The following LRP1 variants were observed in gnomAD, a reference collection of about 807,000 sequenced individuals.
LRP1 encodes the protein prolow-density lipoprotein receptor-related protein 1.
A neutral mutation model predicts 541.5 loss-of-function variants in LRP1; 51 were observed. The observed-to-expected ratio is 0.09, with a 90% CI of 0.08 to 0.12. The LOEUF is 0.12. Among genes scored for constraint, LRP1 ranks in the 10% least tolerant of loss-of-function variants. The pLI is 1.00. For missense variants in LRP1, 3,878 were observed against 6,376.2 expected (o/e 0.61, Z 13.34); for synonymous variants, 2,219 against 2,470.8 (o/e 0.90, Z 3.02).
rs545002811 is a variant in LRP1 at position 57,177,261 on chromosome 12, A to G, written c.4196+16A>G. 18 of 1,611,628 alleles carry G rather than the reference A, an allele frequency of 1.1e-5. No individual in the cohort carries two copies. In the South Asian group the frequency reaches 1.5e-4, roughly 14 times the overall value. On this transcript the variant is annotated intron_variant, in intron 25 of 88. Coordinates refer to ENST00000243077, the MANE Select transcript of LRP1 (RefSeq NM_002332.3). The surrounding 1 kb of genome is among the most constrained non-coding windows in gnomAD (Gnocchi z 6.8). ...CCCGGGATGGGTGAGGACCTTGCCC[A>G]GCCTTCTCCTGGCCCCATGGCCCCC...
At position 57,129,022 on chromosome 12, in the gene LRP1, G is replaced by T; in HGVS notation, c.58G>T (p.Ala20Ser). The change falls in exon 1 of 89, where the codon GCT (alanine) becomes TCT (serine). Residue 20 changes from alanine to serine, a missense_variant. By Grantham distance (99) the Ala-to-Ser change is moderately conservative. Transcript: ENST00000243077. Reference sequence around the variant, plus strand: ...CCTGCTCTCAGCTCTGGTCGCGGCGGCTATCGACGGTGAGTGAGATTCCGC... The same window carrying T: ...CCTGCTCTCAGCTCTGGTCGCGGCGTCTATCGACGGTGAGTGAGATTCCGC... ...LPLLSALVAAAIDAPKTCSPK... is the reference protein window; with the variant it reads ...LPLLSALVAASIDAPKTCSPK... 1 of 1,551,470 alleles carries T rather than the reference G, an allele frequency of 6.4e-7. No homozygotes were observed. Among genetic ancestry groups the T allele is most frequent in the Non-Finnish European group, 8.7e-7 (1 of 1,146,854 alleles).
rs771456046 is a variant in LRP1, at chr12:57,205,545, C to T, written c.11471-13C>T. The T allele has an allele frequency of 2.5e-6, 4 of 1,613,894 alleles. No individual in the cohort carries two copies. The highest frequency in any genetic ancestry group is 3.4e-6 in the Non-Finnish European group (4 of 1,180,018). On this transcript the variant is annotated splice_polypyrimidine_tract_variant and intron_variant, in intron 74 of 88. Coordinates refer to ENST00000243077, the MANE Select transcript of LRP1 (RefSeq NM_002332.3). This position sits in a 1 kb window ranked among gnomAD's most constrained non-coding sequence, Gnocchi z 4.6. ...CAACTGTGGACTCTCATGACCCTCC[C>T]TGTAACCCTTAGACATCAACGAGTG...
Position 57,191,347 on chromosome 12 carries a change from C to A in LRP1, c.7264C>A (p.Pro2422Thr), listed in dbSNP as rs755615728. Reference protein sequence around the residue: ...YVILKSEPVHPFGLAVYGEHI... With the variant: ...YVILKSEPVHTFGLAVYGEHI... ...GATCCTAAAGTCAGAGCCTGTCCAC[C>A]CCTTCGGGCTGGCCGTGTATGGGGA... is the stretch of plus-strand genomic sequence containing the variant. Residue 2422 changes from proline (P) to threonine (T), a missense_variant, in exon 44 of 89, where the codon CCC becomes ACC. By Grantham distance (38) the Pro-to-Thr change is conservative. Around this residue, in one of 13 missense-constraint regions of LRP1, gnomAD observed 1,100 missense variants for 1,827.4 expected, o/e 0.60. Transcript: ENST00000243077. 1 of 1,609,548 alleles carries A rather than the reference C, an allele frequency of 6.2e-7. No homozygotes were observed. The highest frequency in any genetic ancestry group is 8.5e-7 in the Non-Finnish European group (1 of 1,176,542).
At position 57,212,694 on chromosome 12, in the gene LRP1, T is replaced by C. The variant is rs1225750584; in HGVS notation, c.*139T>C. ...AAAAATGAAGGAATTACATTTTATA[T>C]GTGAGCGAGCAAGCCGGCAAGCGAG... On this transcript the variant is annotated 3_prime_UTR_variant, in exon 89 of 89. Coordinates refer to ENST00000243077, the MANE Select transcript of LRP1 (RefSeq NM_002332.3). This position sits in a 1 kb window ranked among gnomAD's most constrained non-coding sequence, Gnocchi z 5.0. 3.2e-6 allele frequency: 3 copies of C among 944,276 alleles called. No homozygotes were observed. The highest frequency in any genetic ancestry group is 4.6e-6 in the Non-Finnish European group (3 of 652,714). The allele number at this position is 944,276 out of a possible 1,614,324, so 58.5% of individuals were successfully genotyped here.
rs375916128 is a variant in LRP1 at position 57,205,270 on chromosome 12, G to A, written c.11335+21G>A. The A allele has an allele frequency of 3.7e-5, 60 of 1,603,352 alleles. No homozygotes were observed. The highest frequency in any genetic ancestry group is 4.5e-5 in the Non-Finnish European group (53 of 1,173,174). ...CATCGGTGAGGCCCGGCAGCGGACC[G>A]GACGCTGGTGGGGAGTGGGGAGAGC... is the stretch of plus-strand genomic sequence containing the variant. On this transcript the variant is annotated intron_variant, in intron 73 of 88. Transcript: ENST00000243077. The surrounding 1 kb of genome is among the most constrained non-coding windows in gnomAD (Gnocchi z 4.6).
chr12:57,166,061 C>T (rs1322373642), intron 16 of LRP1, 23 bp from the exon 17 acceptor site: 5 of 1,614,040 alleles, frequency 3.1e-6, no homozygotes, highest in East Asian at 2.2e-5. Context: ...TTCTCGCTGA[C>T]CCCTGACTCA....
Position 57,205,776 on chromosome 12 carries a change from T to A in LRP1, c.11590+99T>A, listed in dbSNP as rs558841231. On this transcript the variant is annotated intron_variant, in intron 75 of 88. Transcript: ENST00000243077. This position sits in a 1 kb window ranked among gnomAD's most constrained non-coding sequence, Gnocchi z 4.6. ...AATGGAATGTCTTCCTGCGGACATC[T>A]TGCCCAGACAAGAAGCCCCAGACTC... 1 of 1,518,546 alleles carries A rather than the reference T, an allele frequency of 6.6e-7. No homozygotes were observed. Among genetic ancestry groups the A allele is most frequent in the Admixed American group, 1.9e-5 (1 of 53,626 alleles). 94.1% of individuals were successfully genotyped at this position (1,518,546 alleles called of 1,614,324 possible).
At position 57,141,510 on chromosome 12, in the gene LRP1, A is replaced by G. The variant is rs1425172869; in HGVS notation, c.327A>G (p.Arg109=). ...MDGSDEGPHC[R]ELQGNCSRLG... is the part of the protein sequence containing the mutation. Reference sequence around the variant, plus strand: ...GCTCAGATGAGGGGCCCCACTGCCGAGGTAAGGACTTTTCCACTCTCTACT... The same window carrying G: ...GCTCAGATGAGGGGCCCCACTGCCGGGGTAAGGACTTTTCCACTCTCTACT... The change falls in exon 3 of 89, where the codon CGA becomes CGG. Residue 109 remains arginine (R), a splice_region_variant and synonymous_variant. Transcript: ENST00000243077. 1 of 1,613,986 alleles carries G rather than the reference A, an allele frequency of 6.2e-7. No homozygotes were observed. The highest frequency in any genetic ancestry group is 8.5e-7 in the Non-Finnish European group (1 of 1,180,028).
chr12:57,154,421 A>G lies in LRP1; in HGVS notation c.1004+51A>G. ...CCCTGGAAGGTGGGAGGCTGAGGCT[A>G]CAGTGGTAAGGAGGGTGCCCAATGT... On this transcript the variant is annotated intron_variant, in intron 7 of 88. Transcript: ENST00000243077. The surrounding 1 kb of genome is among the most constrained non-coding windows in gnomAD (Gnocchi z 4.6). 6.2e-7 allele frequency: 1 copy of G among 1,604,320 alleles called. No individual in the cohort carries two copies. Among genetic ancestry groups the G allele is most frequent in the Non-Finnish European group, 8.5e-7 (1 of 1,172,690 alleles).
chr12:57,131,356 G>A (rs2035035831), intron 1 of LRP1, among the ~76,000 whole-genome samples: 1 of 152,152 alleles, frequency 6.6e-6, no homozygotes, highest in Non-Finnish European at 1.5e-5. Context: ...AGAAAGATGG[G>A]GTGGAGAATG....
intron 3 of LRP1, among the ~76,000 whole-genome samples, chr12:57,142,315 G>A (rs938034389): frequency 6.6e-5 from 10 of 152,248 alleles, no homozygotes; most frequent in African/African-American, 1.9e-4. Context: ...GAGAGGCCAT[G>A]AGCGTAGCCC....
chr12:57,188,619 G>A (rs2036316698), intron 42 of LRP1, among the ~76,000 whole-genome samples: 1 of 152,240 alleles, frequency 6.6e-6, no homozygotes, highest in African/African-American at 2.4e-5. Flanking sequence ...CAGCAAGGCT[G>A]CCTGGCCCTC....
rs778694383 is a variant in LRP1 at position 57,212,701 on chromosome 12, G to C, written c.*146G>C. 2.3e-6 allele frequency: 2 copies of C among 874,482 alleles called. No individual in the cohort carries two copies. 54.2% of individuals were successfully genotyped at this position (874,482 alleles called of 1,614,324 possible). On this transcript the variant is annotated 3_prime_UTR_variant, in exon 89 of 89. Coordinates refer to ENST00000243077, the MANE Select transcript of LRP1 (RefSeq NM_002332.3). This position sits in a 1 kb window ranked among gnomAD's most constrained non-coding sequence, Gnocchi z 5.0. ...AAGGAATTACATTTTATATGTGAGC[G>C]AGCAAGCCGGCAAGCGAGCACAGTA...
At chr12:57,186,002 C>A in intron 41 of LRP1, 94 bp downstream of exon 41, 1 of 1,390,564 alleles carries the variant, frequency 7.2e-7, no homozygotes, top group Non-Finnish European at 9.6e-7. Context: ...TACCCTAGGT[C>A]TGAATCCCAG....
Position 57,161,126 on chromosome 12 carries a change from A to C in LRP1, c.2202+11A>C, listed in dbSNP as rs1180592211. 1 of 1,610,460 alleles carries C rather than the reference A, an allele frequency of 6.2e-7. No homozygotes were observed. The highest frequency in any genetic ancestry group is 1.3e-5 in the African/African-American group (1 of 74,922). ...GGCACAGACCGGAAGGTGGGCAGGC[A>C]TGTGCCTGTGTGGGGGAATCTGTGT... On this transcript the variant is annotated intron_variant, in intron 13 of 88. Transcript: ENST00000243077.
intron 2 of LRP1, 125 bp downstream of exon 2, chr12:57,138,706 T>A: frequency 7.4e-7 from 1 of 1,344,416 alleles, no homozygotes; most frequent in Non-Finnish European, 1.0e-6. Context: ...ATTGTATTTG[T>A]CCATGACACA....
At chr12:57,144,545 T>A (rs2035359946) in intron 4 of LRP1, 1 of 168,454 alleles carries the variant, frequency 5.9e-6, no homozygotes, top group Admixed American at 5.5e-5. Context: ...CCCTGCCATC[T>A]GCATTCTCTA....
Position 57,201,624 on chromosome 12 carries a change from G to A in LRP1, c.10468+5G>A, listed in dbSNP as rs1363577632. The stretch of plus-strand genomic sequence containing the variant: ...GTGATGAGCCCGCCAACTGCAGTGA[G>A]TTGCCTGGCCTGGAGCCCAGCTTCC... On this transcript the variant is annotated splice_donor_5th_base_variant and intron_variant, in intron 66 of 88. Coordinates refer to ENST00000243077, the MANE Select transcript of LRP1 (RefSeq NM_002332.3). The surrounding 1 kb of genome is among the most constrained non-coding windows in gnomAD (Gnocchi z 6.4). The A allele has an allele frequency of 6.2e-7, 1 of 1,610,862 alleles. No individual in the cohort carries two copies. The highest frequency in any genetic ancestry group is 1.3e-5 in the African/African-American group (1 of 74,850).
At position 57,178,344 on chromosome 12, in the gene LRP1, C is replaced by T. The variant is rs1228561300; in HGVS notation, c.4362-15C>T. 6 of 1,606,490 alleles carry T rather than the reference C, an allele frequency of 3.7e-6. No homozygotes were observed. The highest frequency in any genetic ancestry group is 5.1e-6 in the Non-Finnish European group (6 of 1,174,522). On this transcript the variant is annotated splice_polypyrimidine_tract_variant and intron_variant, in intron 26 of 88. Transcript: ENST00000243077. The surrounding 1 kb of genome is among the most constrained non-coding windows in gnomAD (Gnocchi z 5.8). ...TCCCAGCTGGCATCCTCATTCTGCT[C>T]CATCATGCTCTTAGGTCAGATGCCA...
Sources: allele counts gnomAD v4.1 joint callset (sites outside exome capture counted in the v4.1 genomes callset), GRCh38; gene constraint gnomAD v4.1.1; regional missense constraint gnomAD v4.1.1; non-coding constraint Gnocchi (gnomAD v3.1); transcripts MANE v1.5; gene names NCBI Gene and HGNC (gene_info 2026-07-23, HGNC 2026-07-21).